PDE7B: variants seen among roughly 807,000 people sequenced by gnomAD.
PDE7B encodes 3',5'-cyclic-AMP phosphodiesterase 7B.
PDE7B carries 29 observed loss-of-function variants against 56.2 expected under a neutral mutation model. The ratio of observed to expected loss-of-function variants is 0.52; its 90% confidence interval spans 0.38 to 0.70. The LOEUF is 0.70. Ranked by LOEUF, PDE7B falls within the 30% of genes least tolerant of loss-of-function variation. The pLI, the probability that PDE7B is intolerant of heterozygous loss-of-function variation, is 0.00. For missense variants in PDE7B, 490 were observed against 565.0 expected (o/e 0.87, Z 1.35); for synonymous variants, 197 against 196.9 (o/e 1.00, Z 0.00).
intron 2 of PDE7B, among the ~76,000 whole-genome samples, chr6:135,954,982 G>A (rs1401821870): frequency 6.6e-6 from 1 of 152,102 alleles, no homozygotes; most frequent in African/African-American, 2.4e-5. Flanking sequence ...CAGAACTGAA[G>A]TTGTCAAGCC....
In PDE7B at chr6:136,155,723, A is replaced by G. The variant is rs202219333; in HGVS notation, c.676A>G (p.Ile226Val). 186 of 1,614,078 alleles carry G rather than the reference A, an allele frequency of 1.2e-4. No individual in the cohort carries two copies. Among genetic ancestry groups the G allele is most frequent in the Non-Finnish European group, 1.3e-4 (152 of 1,179,976 alleles). Residue 226 changes from isoleucine (I) to valine (V), a missense_variant, in exon 8 of 13, where the codon ATA becomes GTA. Ile to Val is a conservative substitution (Grantham distance 29). Transcript: ENST00000308191. ...CCCAGGGGTGAACCAGCCATTTTTGATAAAAACTAACCACCATCTTGCAAA... is the reference window on the plus strand; with the variant it reads ...CCCAGGGGTGAACCAGCCATTTTTGGTAAAAACTAACCACCATCTTGCAAA... ...DHPGVNQPFL[I>V]KTNHHLANLY...
At chr6:135,911,113 G>T (rs1776204910) in intron 1 of PDE7B, among the ~76,000 whole-genome samples, 1 of 152,072 alleles carries the variant, frequency 6.6e-6, no homozygotes, top group Non-Finnish European at 1.5e-5. Context: ...CTATAAAAAG[G>T]GATTCAGTAA....
At chr6:136,066,536 G>A (rs998846580) in intron 2 of PDE7B, among the ~76,000 whole-genome samples, 10 of 152,196 alleles carry the variant, frequency 6.6e-5, no homozygotes, top group Non-Finnish European at 1.2e-4. Flanking sequence ...CATAGCCTGG[G>A]CAACTGCAAA....
intron 1 of PDE7B, among the ~76,000 whole-genome samples, chr6:135,900,642 A>G (rs897362604): frequency 6.6e-6 from 1 of 151,590 alleles, no homozygotes; most frequent in African/African-American, 2.4e-5. Flanking sequence ...CTTGCTGCCT[A>G]TTTCAGGAGC....
At chr6:136,083,988 A>G (rs958067434) in intron 2 of PDE7B, among the ~76,000 whole-genome samples, 81 of 152,324 alleles carry the variant, frequency 5.3e-4, no homozygotes, top group African/African-American at 1.8e-3. Context: ...ACTTGATGTA[A>G]GAGTGAGTCA....
intron 9 of PDE7B, among the ~76,000 whole-genome samples, chr6:136,175,644 C>A (rs1226732343): frequency 6.6e-6 from 1 of 151,954 alleles, no homozygotes; most frequent in Non-Finnish European, 1.5e-5. Flanking sequence ...ACAATAAAGA[C>A]TTTTTTCCAA....
chr6:136,191,570 G>T lies in PDE7B; in HGVS notation c.1127-44G>T, dbSNP rs768622004. Reference sequence around the variant, plus strand: ...ATGCTCGGGAGGGAGTAAGGAGCGGGTTTCACCACGCTGTGATGCTGAGCC... The same window carrying T: ...ATGCTCGGGAGGGAGTAAGGAGCGGTTTTCACCACGCTGTGATGCTGAGCC... On this transcript the variant is annotated intron_variant, in intron 12 of 12. Transcript: ENST00000308191. 3.3e-6 allele frequency: 5 copies of T among 1,534,092 alleles called. 1 individual carries two copies. The South Asian group carries it at 5.7e-5, about 17-fold the overall frequency.
At chr6:135,858,367 C>T (rs569233185) in intron 1 of PDE7B, among the ~76,000 whole-genome samples, 15 of 152,078 alleles carry the variant, frequency 9.9e-5, no homozygotes, top group Admixed American at 4.6e-4. Context: ...TGGCCAGGCT[C>T]GTCTCAAACT....
rs1779255606 is a variant in PDE7B at position 136,193,095 on chromosome 6, TTG to T, written c.*1259_*1260del. On this transcript the variant is annotated 3_prime_UTR_variant, in exon 13 of 13. Coordinates refer to ENST00000308191, the MANE Select transcript of PDE7B (RefSeq NM_018945.4). ...TGTTTTAACAAGCCAGCTGCTAAGC[TTG>T]TGTTTATGTGACTCTTGTTACAGAT... 2.6e-5 allele frequency: 4 copies of T among 152,634 alleles called. No individual in the cohort carries two copies. The highest frequency in any genetic ancestry group is 2.6e-4 in the Admixed American group (4 of 15,284). 9.5% of individuals were successfully genotyped at this position (152,634 alleles called of 1,614,324 possible). A position where few individuals can be genotyped will look rare whatever the true frequency, so the allele number is the denominator to read the frequency against.
At chr6:136,109,545 T>C (rs1197803634) in intron 3 of PDE7B, among the ~76,000 whole-genome samples, 3 of 152,136 alleles carry the variant, frequency 2.0e-5, no homozygotes, top group Non-Finnish European at 4.4e-5. Flanking sequence ...CTAATATAAA[T>C]CCTTGAGGTC....
intron 1 of PDE7B, among the ~76,000 whole-genome samples, chr6:135,897,369 G>A (rs1425871685): frequency 2.0e-5 from 3 of 152,026 alleles, no homozygotes; most frequent in African/African-American, 7.3e-5. Context: ...TGAGAGTAGG[G>A]TCAATGTCTT....
intron 11 of PDE7B, among the ~76,000 whole-genome samples, chr6:136,186,585 T>C (rs1233935535): frequency 6.6e-6 from 1 of 152,190 alleles, no homozygotes; most frequent in African/African-American, 2.4e-5. Context: ...TCCTTCTACC[T>C]CATTTCCTAC....
At chr6:136,060,644 C>T (rs540202201) in intron 2 of PDE7B, among the ~76,000 whole-genome samples, 2 of 152,264 alleles carry the variant, frequency 1.3e-5, no homozygotes, top group South Asian at 4.1e-4. Flanking sequence ...AATTAGTACT[C>T]CACTTTACAA....
intron 2 of PDE7B, among the ~76,000 whole-genome samples, chr6:136,054,561 C>A (rs529207399): frequency 7.2e-5 from 11 of 152,098 alleles, no homozygotes; most frequent in Non-Finnish European, 1.5e-4. Context: ...TCCATATGAA[C>A]TTTAAAGTAG....
At chr6:135,912,919 T>A (rs1457647274) in intron 1 of PDE7B, among the ~76,000 whole-genome samples, 2 of 152,102 alleles carry the variant, frequency 1.3e-5, no homozygotes, top group Non-Finnish European at 2.9e-5. Context: ...GGATCAACCA[T>A]CCTGTCTGCC....
At chr6:135,950,488 T>C (rs913866917) in intron 2 of PDE7B, among the ~76,000 whole-genome samples, 4 of 152,334 alleles carry the variant, frequency 2.6e-5, no homozygotes, top group African/African-American at 9.6e-5. Context: ...TTTTATAACA[T>C]TTTTATGAAT....
chr6:135,936,491 A>T (rs1774425145), intron 1 of PDE7B, among the ~76,000 whole-genome samples: 1 of 152,176 alleles, frequency 6.6e-6, no homozygotes, highest in South Asian at 2.1e-4. Flanking sequence ...ACACAGTCAG[A>T]CAAAAAGGCG....
At position 135,942,119 on chromosome 6, in the gene PDE7B, T is replaced by C. The variant is rs57385261; in HGVS notation, c.22-5345T>C. On this transcript the variant is annotated intron_variant, in intron 1 of 12. Coordinates refer to ENST00000308191, the MANE Select transcript of PDE7B (RefSeq NM_018945.4). ...CAGTATTTTAATATTGTCAATTGGATATAATTTTTCTTTAAGGAAAAGAGG... is the reference window on the plus strand; with the variant it reads ...CAGTATTTTAATATTGTCAATTGGACATAATTTTTCTTTAAGGAAAAGAGG... Among the ~76,000 whole-genome samples the C allele has an allele frequency of 4.5e-4, 66 of 147,306 alleles. No individual in the cohort carries two copies. In the East Asian group the frequency reaches 0.012, roughly 27 times the overall value.
intron 1 of PDE7B, among the ~76,000 whole-genome samples, chr6:135,891,614 G>A (rs1262855411): frequency 6.6e-6 from 1 of 152,188 alleles, no homozygotes; most frequent in Non-Finnish European, 1.5e-5. Context: ...TGAACACAGT[G>A]TTTCAAAATG....
Sources: gnomAD v4.1 joint callset for allele counts (sites outside exome capture counted in the v4.1 genomes callset) on GRCh38, gnomAD v4.1.1 for gene constraint, MANE v1.5 for transcripts, NCBI Gene and HGNC (gene_info 2026-07-23, HGNC 2026-07-21) for gene names.